The following IFIT3 variants were observed in gnomAD, a reference collection of about 807,000 sequenced individuals.
The protein encoded by IFIT3 is interferon-induced protein with tetratricopeptide repeats 3.
IFIT3 carries 2 observed loss-of-function variants against 2.4 expected under a neutral mutation model. The ratio of observed to expected loss-of-function variants is 0.82; its 90% CI spans 0.34 to 2.60. The LOEUF is 2.60. Among genes scored for constraint, IFIT3 ranks in the 30% most tolerant of loss-of-function variants. IFIT3 has a pLI of 0.11. For missense variants in IFIT3, 481 were observed against 562.4 expected (o/e 0.86, Z 1.46); for synonymous variants, 203 against 212.1 (o/e 0.96, Z 0.37).
At chr10:89,337,087 T>A (rs1474003609) in intron 1 of IFIT3, among the ~76,000 whole-genome samples, 2 of 152,210 alleles carry the variant, frequency 1.3e-5, no homozygotes, top group African/African-American at 4.8e-5. Flanking sequence ...GGGAGACTAC[T>A]TCAGTCAGAC....
chr10:89,337,646 G>A (rs972342401), intron 1 of IFIT3, among the ~76,000 whole-genome samples: 7 of 152,166 alleles, frequency 4.6e-5, no homozygotes, highest in South Asian at 2.1e-4. Flanking sequence ...TGATCCACCC[G>A]CCTTGGCCTC....
chr10:89,335,743 C>G (rs1843728590), intron 1 of IFIT3, among the ~76,000 whole-genome samples: 1 of 152,256 alleles, frequency 6.6e-6, no homozygotes, highest in Middle Eastern at 3.4e-3. Flanking sequence ...CAGATACATT[C>G]TATTGATCTG....
At chr10:89,332,501 TAAA>T in intron 1 of IFIT3, 1 of 1,581,732 alleles carries the variant, frequency 6.3e-7, no homozygotes, top group Non-Finnish European at 8.6e-7. Context: ...TCCCCTTTCA[TAAA>T]AGCACAGACC....
rs368465434 is a variant in IFIT3, at chr10:89,338,686, A to G, written c.31A>G (p.Lys11Glu). The change falls in exon 2 of 2, where the codon AAA becomes GAA. Residue 11 changes from lysine (K) to glutamate (E), a missense_variant. Transcript: ENST00000371818. ...TGAGGTCACCAAGAATTCCCTGGAG[A>G]AAATCCTTCCACAGCTGAAATGCCA... MSEVTKNSLEKILPQLKCHFT... is the reference protein window; with the variant it reads MSEVTKNSLEEILPQLKCHFT... 6.8e-6 allele frequency: 11 copies of G among 1,613,062 alleles called. No homozygotes were observed. The African/African-American group carries it at 1.3e-4, about 20-fold the overall frequency.
At chr10:89,331,858 C>CAAA (rs10540155) in intron 1 of IFIT3, among the ~76,000 whole-genome samples, 1 of 80,590 alleles carries the variant, frequency 1.2e-5, no homozygotes, top group Non-Finnish European at 2.6e-5. Flanking sequence ...GATCCTGTCT[C>CAAA]AAAAAAAAAA....
chr10:89,332,171 C>T (rs545756625), intron 1 of IFIT3, among the ~76,000 whole-genome samples: 2 of 152,320 alleles, frequency 1.3e-5, no homozygotes, highest in African/African-American at 2.4e-5. Context: ...GCAGAAATTG[C>T]AGTGAGACTA....
intron 1 of IFIT3, among the ~76,000 whole-genome samples, chr10:89,330,526 G>C (rs1207806715): frequency 6.6e-6 from 1 of 152,202 alleles, no homozygotes; most frequent in Non-Finnish European, 1.5e-5. Context: ...CCATGCCTTA[G>C]AGTGGCCAAA....
intron 1 of IFIT3, among the ~76,000 whole-genome samples, chr10:89,328,446 A>T (rs539889976): frequency 9.5e-4 from 145 of 152,338 alleles, no homozygotes; most frequent in African/African-American, 3.3e-3. Flanking sequence ...GACCTAAGGG[A>T]ATTACTCTTT....
chr10:89,337,380 G>C (rs969948577), intron 1 of IFIT3, among the ~76,000 whole-genome samples: 1 of 152,030 alleles, frequency 6.6e-6, no homozygotes, highest in African/African-American at 2.4e-5. Context: ...GAACTGACTT[G>C]GTATTTTTTA....
At chr10:89,338,526 A>G in intron 1 of IFIT3, 135 bp from the exon 2 acceptor site, 1 of 805,610 alleles carries the variant, frequency 1.2e-6, no homozygotes, top group Non-Finnish European at 2.0e-6. Context: ...AACCTCACAT[A>G]CATACCCAGA....
chr10:89,338,154 C>A (rs1242956281), intron 1 of IFIT3: 1 of 154,492 alleles, frequency 6.5e-6, no homozygotes, highest in Non-Finnish European at 1.4e-5. Context: ...AGTCAAGGAA[C>A]ATCTATATAT....
At chr10:89,334,068 G>A (rs1214177719) in intron 1 of IFIT3, among the ~76,000 whole-genome samples, 1 of 152,220 alleles carries the variant, frequency 6.6e-6, no homozygotes, top group African/African-American at 2.4e-5. Flanking sequence ...GGGACAAGCT[G>A]CACATGTGCA....
chr10:89,339,076 G>GA lies in IFIT3; in HGVS notation c.422dup (p.Glu142GlyfsTer12). ...TATTGAGTATTCTGAACTTGACTGT[G>GA]AGGAAGGGTGGACACAACTGAAGTG... On this transcript the variant is annotated frameshift_variant, in exon 2 of 2. Transcript: ENST00000371818. LOFTEE classifies it low-confidence loss of function (END_TRUNC). The GA allele has an allele frequency of 6.2e-7, 1 of 1,614,088 alleles. No homozygotes were observed. The highest frequency in any genetic ancestry group is 8.5e-7 in the Non-Finnish European group (1 of 1,180,018).
At chr10:89,333,387 A>G (rs1843679741) in intron 1 of IFIT3, among the ~76,000 whole-genome samples, 1 of 152,252 alleles carries the variant, frequency 6.6e-6, no homozygotes, top group Non-Finnish European at 1.5e-5. Context: ...CAAGTACTTC[A>G]TAGGCATACT....
rs1249090298 is a variant in IFIT3 at position 89,340,229 on chromosome 10, G to A, written c.*101G>A. The A allele has an allele frequency of 7.9e-7, 1 of 1,265,426 alleles. No homozygotes were observed. The allele number at this position is 1,265,426 out of a possible 1,614,324, so 78.4% of individuals were successfully genotyped here. A position where few individuals can be genotyped will look rare whatever the true frequency, so the allele number is the denominator to read the frequency against. On this transcript the variant is annotated 3_prime_UTR_variant, in exon 2 of 2. Transcript: ENST00000371818. ...CCCCAACCTGGGATTGCTGAGCAGG[G>A]AAGCTTTGCATGTTGCTCTAAGGTA... is the stretch of plus-strand genomic sequence containing the variant.
intron 1 of IFIT3, 82 bp downstream of exon 1, chr10:89,328,160 C>T: frequency 8.0e-7 from 1 of 1,245,478 alleles, no homozygotes; most frequent in Admixed American, 1.7e-5. Context: ...AGGCACATTC[C>T]TGAATTGTCC....
Position 89,340,068 on chromosome 10 carries a change from C to T in IFIT3, c.1413C>T (p.Gly471=), listed in dbSNP as rs761406621. 4 of 1,613,652 alleles carry T rather than the reference C, an allele frequency of 2.5e-6. No homozygotes were observed. The highest frequency in any genetic ancestry group is 3.4e-6 in the Non-Finnish European group (4 of 1,179,738). ...TTGAGGATGGTAGTGAGGAAATGGG[C>T]CAGGGCGCAGTCAGCTCCAGTCCCA... ...SELEDGSEEM[G]QGAVSSSPRE... is the part of the protein sequence containing the mutation. Residue 471 remains glycine, a synonymous_variant, in exon 2 of 2, where the codon GGC becomes GGT. Coordinates refer to ENST00000371818, the MANE Select transcript of IFIT3 (RefSeq NM_001549.6).
chr10:89,328,023 A>G lies in IFIT3; in HGVS notation c.-51A>G. On this transcript the variant is annotated 5_prime_UTR_variant, in exon 1 of 2. Transcript: ENST00000371818. ...CAGACAGGAAGACTTCTGAAGAACA[A>G]ATCAGCCTGGTCACCAGCTTTTCGG... is the stretch of plus-strand genomic sequence containing the variant. 6.2e-7 allele frequency: 1 copy of G among 1,612,252 alleles called. No individual in the cohort carries two copies. The highest frequency in any genetic ancestry group is 8.5e-7 in the Non-Finnish European group (1 of 1,178,390).
At position 89,340,596 on chromosome 10, in the gene IFIT3, T is replaced by TGTTCATTATA. The variant is rs1843854581; in HGVS notation, c.*477_*486dup. 6.6e-6 allele frequency: 1 copy of TGTTCATTATA among 152,040 alleles called. No individual in the cohort carries two copies. The highest frequency in any genetic ancestry group is 1.4e-5 in the Non-Finnish European group (1 of 69,012). The allele number at this position is 152,040 out of a possible 1,614,324, so 9.4% of individuals were successfully genotyped here. ...AAAAAAAAAAAGAGTTGTTTTCTCA[T>TGTTCATTATA]GTTCATTATAGTTCATTACAGTTAC... On this transcript the variant is annotated 3_prime_UTR_variant, in exon 2 of 2. Transcript: ENST00000371818.
Sources: gnomAD v4.1 joint callset for allele counts (sites outside exome capture counted in the v4.1 genomes callset) on GRCh38, gnomAD v4.1.1 for gene constraint, MANE v1.5 for transcripts, NCBI Gene and HGNC (gene_info 2026-07-23, HGNC 2026-07-21) for gene names.